The following RILPL1 variants were observed in gnomAD, a reference collection of about 807,000 sequenced individuals.
RILPL1 encodes the protein Rab interacting lysosomal protein like 1.
Under a neutral mutation model 50.3 loss-of-function variants are expected in RILPL1, and 33 were observed. The observed-to-expected ratio is 0.66, with a 90% CI of 0.50 to 0.88. RILPL1 has a LOEUF of 0.88. RILPL1 is among the 40% of genes least tolerant of loss of function. The pLI is 0.00. For missense variants in RILPL1, 418 were observed against 542.5 expected, an observed-to-expected ratio of 0.77 and a Z score of 2.28; for synonymous variants, 205 against 228.6, an observed-to-expected ratio of 0.90 and a Z score of 0.93.
At chr12:123,487,913 A>G (rs535495602) in intron 4 of RILPL1, among the ~76,000 whole-genome samples, 2 of 152,196 alleles carry the variant, frequency 1.3e-5, no homozygotes, top group East Asian at 3.9e-4. Flanking sequence ...CAATTTCTCT[A>G]TATTCTTGCC....
intron 1 of RILPL1, among the ~76,000 whole-genome samples, chr12:123,525,361 C>T (rs929764040): frequency 9.4e-5 from 14 of 148,990 alleles, no homozygotes. Context: ...GGACTACAGG[C>T]AGACGCCACC....
chr12:123,501,497 C>T (rs186353552), intron 2 of RILPL1, among the ~76,000 whole-genome samples: 200 of 152,148 alleles, frequency 1.3e-3, no homozygotes, highest in African/African-American at 4.6e-3. Flanking sequence ...GCCGGTGGCT[C>T]ACGCCTGTAA....
rs1882678608 is a variant in RILPL1, at chr12:123,491,353, T to A, written c.802-5548A>T. 6.6e-6 allele frequency among the ~76,000 whole-genome samples: 1 copy of A among 152,024 alleles called. No homozygotes were observed. Among genetic ancestry groups the A allele is most frequent in the Non-Finnish European group, 1.5e-5 (1 of 68,030 alleles). On this transcript the variant is annotated intron_variant, in intron 4 of 6. Coordinates refer to ENST00000376874, the MANE Select transcript of RILPL1 (RefSeq NM_178314.5). This position sits in a 1 kb window ranked among gnomAD's most constrained non-coding sequence, Gnocchi z 4.0. ...TGGGCACAGCTTCAGAGCGATACCC[T>A]GAGGCCTCAGCTGCTTCCCAGGAAG... is the stretch of plus-strand genomic sequence containing the variant.
intron 6 of RILPL1, among the ~76,000 whole-genome samples, chr12:123,478,758 C>T (rs1023041316): frequency 2.6e-5 from 4 of 152,156 alleles, no homozygotes; most frequent in African/African-American, 7.2e-5. Flanking sequence ...AGCCCCTAGC[C>T]CCCGCCCTGC....
chr12:123,501,345 T>C (rs1184764546), intron 2 of RILPL1, among the ~76,000 whole-genome samples: 2 of 151,894 alleles, frequency 1.3e-5, no homozygotes, highest in East Asian at 3.9e-4. Context: ...CTTAGGAGGC[T>C]GACGAGGGAG....
intron 2 of RILPL1, among the ~76,000 whole-genome samples, chr12:123,502,310 G>A (rs1481509797): frequency 1.3e-5 from 2 of 152,196 alleles, no homozygotes; most frequent in Non-Finnish European, 2.9e-5. Context: ...GGCCACTGCC[G>A]GGCAGACGTC....
intron 1 of RILPL1, among the ~76,000 whole-genome samples, chr12:123,531,740 T>C (rs562991331): frequency 6.6e-6 from 1 of 152,314 alleles, no homozygotes; most frequent in South Asian, 2.1e-4. Context: ...GTACTATTAC[T>C]ATCCCATTTT....
intron 1 of RILPL1, among the ~76,000 whole-genome samples, chr12:123,524,859 G>A (rs1885195504): frequency 7.3e-6 from 1 of 136,156 alleles, no homozygotes; most frequent in African/African-American, 2.8e-5. Flanking sequence ...GTGGCAGGGC[G>A]TGGTGGCTCA....
chr12:123,528,217 G>A (rs1164461877), intron 1 of RILPL1, among the ~76,000 whole-genome samples: 8 of 151,758 alleles, frequency 5.3e-5, no homozygotes, highest in Non-Finnish European at 8.8e-5. Flanking sequence ...AAATTAAGCT[G>A]GGTGTGGTGG....
At chr12:123,510,408 T>C (rs1459618751) in intron 2 of RILPL1, among the ~76,000 whole-genome samples, 2 of 148,666 alleles carry the variant, frequency 1.3e-5, no homozygotes, top group East Asian at 4.0e-4. Flanking sequence ...GTGTGTGGTG[T>C]CAATGTGAGG....
chr12:123,476,012 T>A (rs1018932870), intron 6 of RILPL1: 3 of 385,978 alleles, frequency 7.8e-6, no homozygotes, highest in African/African-American at 6.4e-5. Flanking sequence ...CAAGCGATTC[T>A]CCTGCCTTAG....
intron 4 of RILPL1, among the ~76,000 whole-genome samples, chr12:123,487,589 G>T (rs944256981): frequency 6.6e-6 from 1 of 152,198 alleles, no homozygotes; most frequent in Non-Finnish European, 1.5e-5. Flanking sequence ...TTACAGGGGT[G>T]GGCCACCCCG....
At chr12:123,506,799 A>G (rs564666085) in intron 2 of RILPL1, among the ~76,000 whole-genome samples, 4 of 152,284 alleles carry the variant, frequency 2.6e-5, no homozygotes, top group Non-Finnish European at 5.9e-5. Flanking sequence ...AAAGCTACAC[A>G]AAGCCATGAA....
At chr12:123,502,383 A>G (rs1883452065) in intron 2 of RILPL1, among the ~76,000 whole-genome samples, 1 of 152,156 alleles carries the variant, frequency 6.6e-6, no homozygotes. Flanking sequence ...GTTTTTCCAG[A>G]GTCTTTTTTG....
chr12:123,513,267 T>C, intron 2 of RILPL1: 1 of 291,940 alleles, frequency 3.4e-6, no homozygotes, highest in Non-Finnish European at 7.3e-6. Context: ...CAGAAGTCAG[T>C]GCCAAAGCCA....
At chr12:123,484,441 G>A (rs1324991499) in intron 5 of RILPL1, among the ~76,000 whole-genome samples, 169 bp from the exon 6 acceptor site, 3 of 152,014 alleles carry the variant, frequency 2.0e-5, no homozygotes, top group East Asian at 3.9e-4. Flanking sequence ...ACCACTCCCC[G>A]TTTCCTGTCC....
At chr12:123,480,158 C>CTTTTTTTT (rs957649286) in intron 6 of RILPL1, among the ~76,000 whole-genome samples, 1 of 117,030 alleles carries the variant, frequency 8.5e-6, no homozygotes, top group Non-Finnish European at 1.9e-5. Flanking sequence ...AAGGCTGATT[C>CTTTTTTTT]TTTTTTTTTT....
chr12:123,512,045 T>C (rs1884318729), intron 2 of RILPL1, among the ~76,000 whole-genome samples: 1 of 139,496 alleles, frequency 7.2e-6, no homozygotes, highest in Non-Finnish European at 1.5e-5. Context: ...GGTTTGTGTG[T>C]GTGAGGTCTG....
chr12:123,477,045 C>G lies in RILPL1; in HGVS notation c.1068-4363G>C, dbSNP rs567369775. 2.0e-5 allele frequency among the ~76,000 whole-genome samples: 3 copies of G among 152,282 alleles called. No individual in the cohort carries two copies. In the East Asian group the frequency reaches 5.8e-4, roughly 29 times the overall value. Reference sequence around the variant, plus strand: ...GAGAGACTGAAGCAGAGGGGCCAGGCAGGACGAGGGCTGAGGCAGAGGCTG... The same window carrying G: ...GAGAGACTGAAGCAGAGGGGCCAGGGAGGACGAGGGCTGAGGCAGAGGCTG... On this transcript the variant is annotated intron_variant, in intron 6 of 6. Transcript: ENST00000376874.
Sources: gnomAD v4.1 joint callset for allele counts (sites outside exome capture counted in the v4.1 genomes callset) on GRCh38, gnomAD v4.1.1 for gene constraint, Gnocchi (gnomAD v3.1) non-coding constraint, MANE v1.5 for transcripts, NCBI Gene and HGNC (gene_info 2026-07-23, HGNC 2026-07-21) for gene names.